Variants in SAMD8 observed in about 807,000 individuals in gnomAD.
SAMD8 encodes sphingomyelin synthase-related protein 1.
Under a neutral mutation model 42.0 loss-of-function variants are expected in SAMD8, and 20 were observed. That is an observed-to-expected ratio of 0.48 (90% CI 0.34 to 0.69). The LOEUF (loss-of-function observed/expected upper bound fraction) is 0.69. SAMD8 is among the 30% of genes least tolerant of loss of function. SAMD8 has a pLI of 0.01. For synonymous variants in SAMD8, 162 were observed against 173.0 expected, an observed-to-expected ratio of 0.94 and a Z score of 0.50; for missense variants, 328 against 511.6, an observed-to-expected ratio of 0.64 and a Z score of 3.46.
In SAMD8 at chr10:75,176,135, A is replaced by T. The variant is rs780455446; in HGVS notation, c.862A>T (p.Thr288Ser). ...TTGGAGTGGCTTTGGTATGACCCTG[A>T]CTGGCGTTCACACATGTGGAGATTA... ...AIWSGFGMTL[T>S]GVHTCGDYMF... Residue 288 changes from threonine (T) to serine (S), a missense_variant, in exon 5 of 6, where the codon ACT (threonine) becomes TCT (serine). Coordinates refer to ENST00000542569, the MANE Select transcript of SAMD8 (RefSeq NM_001174156.2). The surrounding 1 kb of genome is among the most constrained non-coding windows in gnomAD (Gnocchi z 4.3). The T allele has an allele frequency of 4.3e-6, 7 of 1,614,192 alleles. No homozygotes were observed. In the East Asian group the frequency reaches 1.3e-4, roughly 31 times the overall value.
chr10:75,151,541 A>G (rs1275855916), intron 2 of SAMD8, among the ~76,000 whole-genome samples: 1 of 151,988 alleles, frequency 6.6e-6, no homozygotes, highest in Non-Finnish European at 1.5e-5. Flanking sequence ...TTTTGTAGAA[A>G]TAGAGTCCCA....
intron 1 of SAMD8, 37 bp downstream of exon 1, chr10:75,111,759 G>C (rs1160824696): frequency 4.1e-6 from 5 of 1,233,090 alleles, no homozygotes; most frequent in Admixed American, 4.2e-5. Context: ...GGGGAGCTTG[G>C]GGGGCGCCTG....
intron 2 of SAMD8, among the ~76,000 whole-genome samples, chr10:75,153,003 A>G (rs578209909): frequency 2.2e-4 from 33 of 152,132 alleles, no homozygotes; most frequent in African/African-American, 7.2e-4. Flanking sequence ...TGTTTTTTAG[A>G]TGGAGTCTTG....
chr10:75,165,258 T>G (rs1178333473), intron 3 of SAMD8, among the ~76,000 whole-genome samples: 6 of 152,128 alleles, frequency 3.9e-5, no homozygotes, highest in Non-Finnish European at 8.8e-5. Context: ...AAGCCTTTTC[T>G]TTCCTTAGAA....
chr10:75,119,437 G>A (rs185003474), intron 1 of SAMD8, among the ~76,000 whole-genome samples: 124 of 152,294 alleles, frequency 8.1e-4, no homozygotes, highest in African/African-American at 2.8e-3. Flanking sequence ...GATTACAGGC[G>A]TGAATCAATA....
At chr10:75,104,753 G>T (rs1848391217) in intron 1 of SAMD8, among the ~76,000 whole-genome samples, 1 of 152,066 alleles carries the variant, frequency 6.6e-6, no homozygotes, top group Non-Finnish European at 1.5e-5. Flanking sequence ...TCTAAACTTA[G>T]CCCCTGATCC....
At chr10:75,108,355 C>A, upstream of SAMD8, 1 of 1,404,140 alleles carries the variant, frequency 7.1e-7, no homozygotes, top group Non-Finnish European at 9.3e-7. Context: ...GGTCTGACTC[C>A]ACAGCCCTAT....
rs1841084292 is a variant in SAMD8, at chr10:75,181,712, A to G, written c.*5020A>G. 1 of 152,228 alleles carries G rather than the reference A, an allele frequency of 6.6e-6. No homozygotes were observed. Among genetic ancestry groups the G allele is most frequent in the African/African-American group, 2.4e-5 (1 of 41,462 alleles). The allele number at this position is 152,228 out of a possible 1,614,324, so 9.4% of individuals were successfully genotyped here. The stretch of plus-strand genomic sequence containing the variant: ...TCTGAAGAACTGGGTTGTCTGGAGA[A>G]TTGAACATAGCCAAGCAATATTATC... On this transcript the variant is annotated 3_prime_UTR_variant, in exon 6 of 6. Coordinates refer to ENST00000542569, the MANE Select transcript of SAMD8 (RefSeq NM_001174156.2).
At chr10:75,101,434 A>G (rs1317719031) in intron 1 of SAMD8, among the ~76,000 whole-genome samples, 5 of 152,004 alleles carry the variant, frequency 3.3e-5, no homozygotes, top group Non-Finnish European at 7.4e-5. Context: ...GGACAGTGAG[A>G]TTTCTTCTCT....
chr10:75,104,142 C>A (rs747055916), intron 1 of SAMD8: 1 of 1,286,104 alleles, frequency 7.8e-7, no homozygotes, highest in African/African-American at 1.5e-5. Flanking sequence ...TGAACCAAGG[C>A]CCAGGCTGGC....
intron 1 of SAMD8, among the ~76,000 whole-genome samples, chr10:75,141,651 C>T (rs1358019776): frequency 6.6e-6 from 1 of 151,546 alleles, no homozygotes; most frequent in African/African-American, 2.4e-5. Context: ...ACGCCATTCT[C>T]CTGCCTCAGC....
chr10:75,101,519 A>C (rs568793649), intron 1 of SAMD8, among the ~76,000 whole-genome samples: 1 of 152,308 alleles, frequency 6.6e-6, no homozygotes, highest in Admixed American at 6.5e-5. Flanking sequence ...AGGATGTACT[A>C]TGTGCCAGAC....
chr10:75,116,327 A>T (rs1173608819), intron 1 of SAMD8, among the ~76,000 whole-genome samples: 1 of 152,050 alleles, frequency 6.6e-6, no homozygotes, highest in Non-Finnish European at 1.5e-5. Context: ...GCTGGTTTAG[A>T]GCTCCTGGCC....
chr10:75,108,398 C>T (rs1362604262), upstream of SAMD8: 34 of 1,085,804 alleles, frequency 3.1e-5, no homozygotes, highest in East Asian at 1.6e-4. Context: ...GTGGCTGAGC[C>T]GGCGGTGTGT....
rs373659735 is a variant in SAMD8 at position 75,181,878 on chromosome 10, T to G, written c.*5186T>G. Reference sequence around the variant, plus strand: ...ACTTAATGGGGGAAGCAAAATTAGCTGGGACTAAAACGGACATGTTTTGTT... The same window carrying G: ...ACTTAATGGGGGAAGCAAAATTAGCGGGGACTAAAACGGACATGTTTTGTT... On this transcript the variant is annotated 3_prime_UTR_variant, in exon 6 of 6. Transcript: ENST00000542569. 7.2e-5 allele frequency: 11 copies of G among 152,330 alleles called. No individual in the cohort carries two copies. Among genetic ancestry groups the G allele is most frequent in the African/African-American group, 2.6e-4 (11 of 41,576 alleles). The allele number at this position is 152,330 out of a possible 1,614,324, so 9.4% of individuals were successfully genotyped here. A position where few individuals can be genotyped will look rare whatever the true frequency, so the allele number is the denominator to read the frequency against.
chr10:75,169,515 A>G (rs1470273701), intron 4 of SAMD8, among the ~76,000 whole-genome samples: 1 of 148,688 alleles, frequency 6.7e-6, no homozygotes, highest in Non-Finnish European at 1.5e-5. Context: ...AAGAAAGAAA[A>G]CAATTTTCTT....
chr10:75,171,154 CTTTTTCTTTTTTTTTTT>C (rs1840853669), intron 4 of SAMD8, among the ~76,000 whole-genome samples: 1 of 108,186 alleles, frequency 9.2e-6, no homozygotes, highest in African/African-American at 3.8e-5. Flanking sequence ...TTCTTTCTTT[CTTTTTCTTTTTTTTTTT>C]TTTTTTTTTT....
intron 1 of SAMD8, among the ~76,000 whole-genome samples, chr10:75,124,745 A>G (rs1016098295): frequency 3.3e-5 from 5 of 151,236 alleles, no homozygotes; most frequent in Admixed American, 1.3e-4. Flanking sequence ...CATGTCTGTC[A>G]TTATATTCCA....
intron 1 of SAMD8, among the ~76,000 whole-genome samples, chr10:75,147,869 A>T (rs1235530816): frequency 6.6e-6 from 1 of 151,970 alleles, no homozygotes; most frequent in Non-Finnish European, 1.5e-5. Context: ...AAATAATATA[A>T]TAAATGTATA....
Sources: allele counts gnomAD v4.1 joint callset (sites outside exome capture counted in the v4.1 genomes callset), GRCh38; gene constraint gnomAD v4.1.1; non-coding constraint Gnocchi (gnomAD v3.1); transcripts MANE v1.5; gene names NCBI Gene and HGNC (gene_info 2026-07-23, HGNC 2026-07-21).